The following ALDH7A1 variants were observed in gnomAD, a reference collection of about 807,000 sequenced individuals.
The protein encoded by ALDH7A1 is alpha-aminoadipic semialdehyde dehydrogenase.
Under a neutral mutation model 79.9 loss-of-function variants are expected in ALDH7A1, and 63 were observed. The observed-to-expected ratio is 0.79, with a 90% CI of 0.64 to 0.97. The LOEUF is 0.97. ALDH7A1 is among the 50% of genes least tolerant of loss of function. The pLI, the probability that ALDH7A1 is intolerant of heterozygous loss-of-function variation, is 0.00. For missense variants in ALDH7A1, 627 were observed against 665.2 expected (o/e 0.94, Z 0.63); for synonymous variants, 240 against 231.2 (o/e 1.04, Z -0.34).
chr5:126,557,051 T>G (rs1297030683), intron 11 of ALDH7A1, among the ~76,000 whole-genome samples: 1 of 152,172 alleles, frequency 6.6e-6, no homozygotes. Context: ...ATTGGCTGAA[T>G]AGAGAAATAT....
chr5:126,561,536 AGAT>A (rs1438889888), intron 9 of ALDH7A1: 1 of 153,494 alleles, frequency 6.5e-6, no homozygotes, highest in Non-Finnish European at 1.4e-5. Flanking sequence ...ACGCGCGCAC[AGAT>A]GTTGCTGGAG....
intron 2 of ALDH7A1, among the ~76,000 whole-genome samples, chr5:126,592,954 A>T (rs1419174817): frequency 6.6e-6 from 1 of 152,194 alleles, no homozygotes; most frequent in African/African-American, 2.4e-5. Context: ...TCAAAGCAAA[A>T]TCTGTCAGCT....
chr5:126,582,067 T>C (rs1195089854), intron 5 of ALDH7A1: 3 of 398,556 alleles, frequency 7.5e-6, no homozygotes, highest in African/African-American at 2.1e-5. Context: ...CTCATGCCTA[T>C]AATCCCAGCT....
rs6897789 is a variant in ALDH7A1 at position 126,570,652 on chromosome 5, T to C, written c.773+130A>G. 0.1 allele frequency: 93,266 copies of C among 899,818 alleles called. 8,141 individuals carry two copies. The highest frequency in any genetic ancestry group is 0.4 in the African/African-American group (24,522 of 61,176). 55.7% of individuals were successfully genotyped at this position (899,818 alleles called of 1,614,324 possible). Reference sequence around the variant, plus strand: ...TAAAATAAGAACCCAACAAAGTCCATAATAATAATGATTTCAAAAACCATT... The same window carrying C: ...TAAAATAAGAACCCAACAAAGTCCACAATAATAATGATTTCAAAAACCATT... On this transcript the variant is annotated intron_variant, in intron 8 of 17. Coordinates refer to ENST00000409134, the MANE Select transcript of ALDH7A1 (RefSeq NM_001182.5).
At chr5:126,593,211 T>A in intron 2 of ALDH7A1, 140 bp downstream of exon 2, 1 of 1,387,252 alleles carries the variant, frequency 7.2e-7, no homozygotes, top group Non-Finnish European at 9.7e-7. Flanking sequence ...AACACATTAT[T>A]CTCTTCATTT....
chr5:126,579,889 G>T (rs144031458), intron 5 of ALDH7A1, among the ~76,000 whole-genome samples: 5 of 152,238 alleles, frequency 3.3e-5, no homozygotes, highest in Non-Finnish European at 5.9e-5. Flanking sequence ...GAGTCCAGGA[G>T]GTCCAAGCTG....
intron 8 of ALDH7A1, chr5:126,569,600 T>C (rs1207128305): frequency 5.9e-5 from 9 of 152,222 alleles, no homozygotes; most frequent in African/African-American, 2.2e-4. Flanking sequence ...AAGTGGCTGC[T>C]GCTTAACATG....
intron 4 of ALDH7A1, 35 bp downstream of exon 4, chr5:126,583,897 C>CA (rs752599645): frequency 6.5e-7 from 1 of 1,545,618 alleles, no homozygotes; most frequent in Non-Finnish European, 8.9e-7. Context: ...ATTGTCCACT[C>CA]AAAGAATTGT....
In ALDH7A1 at chr5:126,549,944, T is replaced by C. The variant is rs1173360765; in HGVS notation, c.1474A>G (p.Ile492Val). 6.2e-7 allele frequency: 1 copy of C among 1,614,164 alleles called. No individual in the cohort carries two copies. The highest frequency in any genetic ancestry group is 1.7e-5 in the Admixed American group (1 of 60,020). The part of the protein sequence containing the change: ...NVNIPTSGAE[I>V]GGAFGGEKHT... The stretch of plus-strand genomic sequence containing the variant: ...CTCTACGTACCAAAGGCACCTCCAA[T>C]CTCAGCCCCACTTGTTGGAATGTTG... The change falls in exon 16 of 18, where the codon ATT becomes GTT. Residue 492 changes from isoleucine to valine, a missense_variant. Transcript: ENST00000409134.
chr5:126,556,022 G>C lies in ALDH7A1; in HGVS notation c.1009-7C>G, dbSNP rs1356517219. ...GGATGCTTTCATGTATAAACTAAAC[G>C]AAAAAAGATATTCAAGGGCATAGTA... is the stretch of plus-strand genomic sequence containing the variant. On this transcript the variant is annotated splice_polypyrimidine_tract_variant and splice_region_variant and intron_variant, in intron 11 of 17. Coordinates refer to ENST00000409134, the MANE Select transcript of ALDH7A1 (RefSeq NM_001182.5). The C allele has an allele frequency of 2.5e-6, 4 of 1,600,864 alleles. No individual in the cohort carries two copies. In the African/African-American group the frequency reaches 4.0e-5, roughly 16 times the overall value.
At chr5:126,554,221 C>G in intron 13 of ALDH7A1, 66 bp downstream of exon 13, 3 of 1,400,236 alleles carry the variant, frequency 2.1e-6, no homozygotes, top group Middle Eastern at 2.5e-4. Flanking sequence ...TGCCCAGAGC[C>G]CTGCTTGTGT....
At chr5:126,562,709 G>A (rs765172656) in intron 9 of ALDH7A1, among the ~76,000 whole-genome samples, 5 of 152,216 alleles carry the variant, frequency 3.3e-5, no homozygotes, top group African/African-American at 1.2e-4. Context: ...TTAGCTGGGC[G>A]TGGTGGCGGA....
At chr5:126,575,708 C>G (rs1581386876) in intron 6 of ALDH7A1, among the ~76,000 whole-genome samples, 1 of 152,200 alleles carries the variant, frequency 6.6e-6, no homozygotes, top group Admixed American at 6.5e-5. Flanking sequence ...CAGCTTGCTG[C>G]ACTGATCGCA....
chr5:126,594,563 G>T (rs749815598), intron 1 of ALDH7A1: 4 of 286,242 alleles, frequency 1.4e-5, no homozygotes, highest in Non-Finnish European at 2.7e-5. Context: ...TCCTGCCTCA[G>T]CCTCCCTAGT....
At chr5:126,585,510 G>T (rs1385206057) in intron 3 of ALDH7A1, among the ~76,000 whole-genome samples, 1 of 152,116 alleles carries the variant, frequency 6.6e-6, no homozygotes, top group Non-Finnish European at 1.5e-5. Context: ...CAGCTTCTCT[G>T]GATGGTCACT....
At chr5:126,564,306 T>C (rs546406731) in intron 9 of ALDH7A1, 33 of 285,462 alleles carry the variant, frequency 1.2e-4, no homozygotes, top group East Asian at 5.8e-4. Context: ...CCGCCACACC[T>C]AGCTAATTTT....
chr5:126,548,414 A>C (rs1749871513), intron 16 of ALDH7A1, among the ~76,000 whole-genome samples: 2 of 131,710 alleles, frequency 1.5e-5, no homozygotes, highest in Non-Finnish European at 3.1e-5. Flanking sequence ...CACCATGCCC[A>C]GCCCAAAACT....
At position 126,544,034 on chromosome 5, in the gene ALDH7A1, T is replaced by C. The variant is rs1411566716; in HGVS notation, c.*931A>G. 3 of 147,036 alleles carry C rather than the reference T, an allele frequency of 2.0e-5. No individual in the cohort carries two copies. The highest frequency in any genetic ancestry group is 4.5e-5 in the Non-Finnish European group (3 of 67,248). The allele number at this position is 147,036 out of a possible 1,614,324, so 9.1% of individuals were successfully genotyped here. A position where few individuals can be genotyped will look rare whatever the true frequency, so the allele number is the denominator to read the frequency against. ...AGGCAGTGGCACAATCTAGGCTCAC[T>C]GCAACCTCTGCCTCCTGGGTTCACA... On this transcript the variant is annotated 3_prime_UTR_variant, in exon 18 of 18. Transcript: ENST00000409134.
chr5:126,558,166 C>CAAAAAAA (rs35559498), intron 11 of ALDH7A1, among the ~76,000 whole-genome samples: 55 of 75,398 alleles, frequency 7.3e-4, no homozygotes, highest in East Asian at 1.5e-3. Flanking sequence ...GACTCCAACT[C>CAAAAAAA]AAAAAAAAAA....
Sources: gnomAD v4.1 joint callset for allele counts (sites outside exome capture counted in the v4.1 genomes callset) on GRCh38, gnomAD v4.1.1 for gene constraint, MANE v1.5 for transcripts, NCBI Gene and HGNC (gene_info 2026-07-23, HGNC 2026-07-21) for gene names.